RGS3: variants seen among roughly 807,000 people sequenced by gnomAD.
RGS3 encodes the protein regulator of G-protein signalling 3.
RGS3 carries 80 observed loss-of-function variants against 132.6 expected under a neutral mutation model. The observed-to-expected ratio is 0.60, with a 90% CI of 0.50 to 0.73. The LOEUF (loss-of-function observed/expected upper bound fraction) is 0.73. Among genes scored for constraint, RGS3 ranks in the 30% least tolerant of loss-of-function variants. RGS3 has a pLI of 0.00. For synonymous variants in RGS3, 598 were observed against 620.6 expected, an observed-to-expected ratio of 0.96 and a Z score of 0.54; for missense variants, 1,382 against 1,530.8, an observed-to-expected ratio of 0.90 and a Z score of 1.62.
At chr9:113,543,331 C>T (rs1158668017) in intron 19 of RGS3, among the ~76,000 whole-genome samples, 1 of 152,242 alleles carries the variant, frequency 6.6e-6, no homozygotes, top group Non-Finnish European at 1.5e-5. Context: ...GAAGAGAATA[C>T]ACCCCTTACT....
chr9:113,568,964 G>C (rs528738446), intron 19 of RGS3, among the ~76,000 whole-genome samples: 1 of 152,342 alleles, frequency 6.6e-6, no homozygotes, highest in South Asian at 2.1e-4. Flanking sequence ...AGAGGGAAGA[G>C]GGTCCCAGGA....
chr9:113,524,806 C>G (rs1057282960), intron 17 of RGS3, among the ~76,000 whole-genome samples: 7 of 152,226 alleles, frequency 4.6e-5, no homozygotes, highest in African/African-American at 1.7e-4. Flanking sequence ...GCCTCTACCC[C>G]TCTGGGGGCC....
At chr9:113,585,780 A>G (rs1306101355) in intron 20 of RGS3, among the ~76,000 whole-genome samples, 1 of 152,214 alleles carries the variant, frequency 6.6e-6, no homozygotes, top group African/African-American at 2.4e-5. Flanking sequence ...AAGTTGGGAC[A>G]TGTCCTCAGA....
intron 16 of RGS3, among the ~76,000 whole-genome samples, chr9:113,520,962 C>A (rs1224118172): frequency 6.6e-6 from 1 of 152,024 alleles, no homozygotes; most frequent in Non-Finnish European, 1.5e-5. Flanking sequence ...GTCAGCTATA[C>A]CTGGGTAATG....
intron 19 of RGS3, chr9:113,570,276 T>G (rs1338723902): frequency 2.0e-5 from 3 of 151,914 alleles, no homozygotes; most frequent in Non-Finnish European, 4.4e-5. Context: ...AATGCAGCGA[T>G]GTAGGTGAGG....
At chr9:113,525,998 A>G (rs1358460804) in intron 17 of RGS3, among the ~76,000 whole-genome samples, 2 of 152,170 alleles carry the variant, frequency 1.3e-5, no homozygotes, top group Non-Finnish European at 2.9e-5. Flanking sequence ...TGGCAGTGTA[A>G]TGGGAACAGG....
chr9:113,466,423 G>C (rs541058625), intron 3 of RGS3, among the ~76,000 whole-genome samples: 1 of 152,284 alleles, frequency 6.6e-6, no homozygotes, highest in South Asian at 2.1e-4. Flanking sequence ...AATTCCCTTC[G>C]GGGAGAGTAC....
intron 19 of RGS3, among the ~76,000 whole-genome samples, chr9:113,545,110 G>C (rs571952619): frequency 9.6e-4 from 147 of 152,348 alleles, no homozygotes; most frequent in African/African-American, 3.4e-3. Context: ...TTCTCAGGGA[G>C]CTCTGGAATG....
chr9:113,492,001 G>A (rs577193875), intron 7 of RGS3, among the ~76,000 whole-genome samples: 4 of 152,172 alleles, frequency 2.6e-5, no homozygotes, highest in Admixed American at 6.5e-5. Flanking sequence ...GTGGCCTAAC[G>A]TCAGAAAGCT....
At chr9:113,456,430 G>A (rs1168445827), upstream of RGS3, among the ~76,000 whole-genome samples, 1 of 152,090 alleles carries the variant, frequency 6.6e-6, no homozygotes, top group Non-Finnish European at 1.5e-5. Context: ...CTTCATTTCT[G>A]CAAAGGGCAC....
chr9:113,499,660 G>A (rs1183385683), intron 10 of RGS3, among the ~76,000 whole-genome samples: 1 of 152,234 alleles, frequency 6.6e-6, no homozygotes, highest in Non-Finnish European at 1.5e-5. Context: ...CTGGGTGCTG[G>A]GATGCAGCTC....
intron 19 of RGS3, among the ~76,000 whole-genome samples, chr9:113,572,869 C>T (rs1365572616): frequency 9.9e-5 from 15 of 152,112 alleles, no homozygotes; most frequent in African/African-American, 2.7e-4. Context: ...TTCCAAGTTT[C>T]CCCCCCTGAA....
chr9:113,509,028 G>A (rs553700613), intron 14 of RGS3, among the ~76,000 whole-genome samples: 1 of 152,182 alleles, frequency 6.6e-6, no homozygotes, highest in Admixed American at 6.5e-5. Context: ...GCTCATTCCT[G>A]TAATCCCAGC....
At chr9:113,541,030 C>T (rs947386361) in intron 19 of RGS3, among the ~76,000 whole-genome samples, 1 of 152,202 alleles carries the variant, frequency 6.6e-6, no homozygotes, top group Non-Finnish European at 1.5e-5. Context: ...TGCTGGTGCT[C>T]GGAGCACATA....
At chr9:113,516,705 T>C (rs1274026804) in intron 15 of RGS3, among the ~76,000 whole-genome samples, 1 of 152,046 alleles carries the variant, frequency 6.6e-6, no homozygotes, top group African/African-American at 2.4e-5. Context: ...AAGAAACTAC[T>C]TCTATTTAAG....
intron 19 of RGS3, among the ~76,000 whole-genome samples, chr9:113,539,105 C>T (rs1407082671): frequency 6.6e-6 from 1 of 152,348 alleles, no homozygotes; most frequent in East Asian, 1.9e-4. Flanking sequence ...CTTTAGCAAC[C>T]TCACTGACAG....
chr9:113,493,133 T>C (rs1830573451), intron 7 of RGS3, among the ~76,000 whole-genome samples: 1 of 152,216 alleles, frequency 6.6e-6, no homozygotes, highest in Admixed American at 6.5e-5. Flanking sequence ...TTTGGCAAAG[T>C]CTTGCCAAGG....
intron 24 of RGS3, among the ~76,000 whole-genome samples, chr9:113,596,381 C>A (rs1835778525): frequency 6.6e-6 from 1 of 152,232 alleles, no homozygotes; most frequent in Non-Finnish European, 1.5e-5. Context: ...ATGCGCAAAG[C>A]ACATTATATG....
At chr9:113,461,237 G>C (rs1829464518) in intron 1 of RGS3, among the ~76,000 whole-genome samples, 1 of 152,128 alleles carries the variant, frequency 6.6e-6, no homozygotes, top group Non-Finnish European at 1.5e-5. Context: ...GCACATGTGT[G>C]AGGTGGAAGA....
Sources: gnomAD v4.1 joint callset for allele counts (sites outside exome capture counted in the v4.1 genomes callset) on GRCh38, gnomAD v4.1.1 for gene constraint, MANE v1.5 for transcripts, NCBI Gene and HGNC (gene_info 2026-07-23, HGNC 2026-07-21) for gene names.